Variants in BDP1 observed in about 807,000 individuals in gnomAD.
BDP1 encodes transcription factor TFIIIB component B'' homolog.
In BDP1, 169 loss-of-function variants were observed where a neutral mutation model predicts 266.6. The ratio of observed to expected loss-of-function variants is 0.63; its 90% confidence interval spans 0.56 to 0.72. The LOEUF is 0.72. Ranked by LOEUF, BDP1 falls within the 30% of genes least tolerant of loss-of-function variation. The pLI, the probability that BDP1 is intolerant of heterozygous loss-of-function variation, is 0.00. For missense variants in BDP1, 3,015 were observed against 3,053.8 expected (o/e 0.99, Z 0.30); for synonymous variants, 1,090 against 1,022.4 (o/e 1.07, Z -1.26).
At chr5:71,464,902 A>G (rs1171026500) in intron 4 of BDP1, among the ~76,000 whole-genome samples, 1 of 151,764 alleles carries the variant, frequency 6.6e-6, no homozygotes. Context: ...TATTTTTAGT[A>G]GAGACGGGGT....
intron 19 of BDP1, among the ~76,000 whole-genome samples, chr5:71,514,029 G>A (rs887748203): frequency 3.3e-5 from 5 of 151,914 alleles, no homozygotes; most frequent in Non-Finnish European, 5.9e-5. Flanking sequence ...GAGAATAATC[G>A]TTTTTTATTT....
chr5:71,511,520 G>T (rs1764918859), intron 17 of BDP1, among the ~76,000 whole-genome samples: 1 of 152,036 alleles, frequency 6.6e-6, no homozygotes, highest in South Asian at 2.1e-4. Context: ...CAAGGTGTAA[G>T]CCTGTAGTCC....
chr5:71,522,207 C>T, intron 22 of BDP1, 82 bp from the exon 23 acceptor site: 4 of 1,060,916 alleles, frequency 3.8e-6, no homozygotes, highest in Non-Finnish European at 5.6e-6. Context: ...GATTTGTATC[C>T]AAAATTGTTT....
intron 26 of BDP1, among the ~76,000 whole-genome samples, chr5:71,535,161 A>G (rs545452527): frequency 6.6e-6 from 1 of 151,988 alleles, no homozygotes; most frequent in African/African-American, 2.4e-5. Context: ...TCCTCGACTT[A>G]TGAGGAGATT....
intron 28 of BDP1, 73 bp from the exon 29 acceptor site, chr5:71,541,381 A>G (rs1159310562): frequency 4.8e-6 from 3 of 621,286 alleles, no homozygotes; most frequent in East Asian, 5.8e-5. Flanking sequence ...TACAATTACT[A>G]AATGTTGAGG....
At chr5:71,537,149 C>CAAAAA (rs70992979) in intron 26 of BDP1, among the ~76,000 whole-genome samples, 12 of 82,414 alleles carry the variant, frequency 1.5e-4, no homozygotes, top group African/African-American at 2.9e-4. Context: ...ACCAAAAAAC[C>CAAAAA]AAAAAAAAAA....
chr5:71,540,953 A>C (rs773394589), intron 28 of BDP1, among the ~76,000 whole-genome samples: 1 of 152,094 alleles, frequency 6.6e-6, no homozygotes, highest in Non-Finnish European at 1.5e-5. Context: ...TAGATAAATA[A>C]AGACATATTA....
chr5:71,463,306 CATT>C (rs747290562), intron 3 of BDP1, among the ~76,000 whole-genome samples: 24 of 152,226 alleles, frequency 1.6e-4, no homozygotes, highest in East Asian at 7.7e-4. Flanking sequence ...TAATAAATCT[CATT>C]GTTGTATTGT....
At position 71,461,809 on chromosome 5, in the gene BDP1, G is replaced by A. The variant is rs756435389; in HGVS notation, c.490-8G>A. ...TATAAAAGTGGATCTGTGTGTTTAT[G>A]TATACAGAAACAATGGAAAAACAAA... On this transcript the variant is annotated splice_polypyrimidine_tract_variant and splice_region_variant and intron_variant, in intron 2 of 38. Transcript: ENST00000358731. 1 of 1,490,310 alleles carries A rather than the reference G, an allele frequency of 6.7e-7. No individual in the cohort carries two copies. Among genetic ancestry groups the A allele is most frequent in the Non-Finnish European group, 9.3e-7 (1 of 1,077,952 alleles). 92.3% of individuals were successfully genotyped at this position (1,490,310 alleles called of 1,614,324 possible).
intron 25 of BDP1, among the ~76,000 whole-genome samples, chr5:71,526,376 GGAGGCC>G (rs1170395069): frequency 6.6e-6 from 1 of 151,760 alleles, no homozygotes; most frequent in Non-Finnish European, 1.5e-5. Flanking sequence ...CAGCACTTTG[GGAGGCC>G]GAGGTGGGTG....
At chr5:71,533,887 T>C (rs1329054400) in intron 26 of BDP1, among the ~76,000 whole-genome samples, 3 of 152,216 alleles carry the variant, frequency 2.0e-5, no homozygotes, top group Non-Finnish European at 4.4e-5. Flanking sequence ...CATTTGTATA[T>C]CATCTTTGAG....
intron 6 of BDP1, among the ~76,000 whole-genome samples, chr5:71,469,886 G>C (rs1457895438): frequency 6.9e-6 from 1 of 143,936 alleles, no homozygotes; most frequent in African/African-American, 2.6e-5. Flanking sequence ...TTGTTGCCCA[G>C]GTTGGAGTGC....
chr5:71,487,223 C>G (rs957388930), intron 9 of BDP1, among the ~76,000 whole-genome samples: 4 of 151,990 alleles, frequency 2.6e-5, no homozygotes, highest in African/African-American at 7.2e-5. Context: ...ATTTTAGCCC[C>G]CTTTGTGTTG....
chr5:71,540,491 C>T (rs1293743997), intron 28 of BDP1, among the ~76,000 whole-genome samples: 1 of 152,106 alleles, frequency 6.6e-6, no homozygotes, highest in Non-Finnish European at 1.5e-5. Flanking sequence ...CCATGCCCAG[C>T]TAATTTTTGT....
chr5:71,570,995 C>G (rs962803810), downstream of BDP1, among the ~76,000 whole-genome samples: 1 of 152,018 alleles, frequency 6.6e-6, no homozygotes, highest in Non-Finnish European at 1.5e-5. Context: ...ATAAAAATAA[C>G]AATACAACTA....
rs751575682 is a variant in BDP1 at position 71,559,976 on chromosome 5, T to C, written c.7241-6T>C. On this transcript the variant is annotated splice_region_variant and splice_polypyrimidine_tract_variant and intron_variant, in intron 36 of 38. Transcript: ENST00000358731. ...CCTTGCTTTCCATTTGCTCTTTTTT[T>C]TGAAGGGGAGTCTCACAAGGGACAA... 1 of 1,611,570 alleles carries C rather than the reference T, an allele frequency of 6.2e-7. No homozygotes were observed. The highest frequency in any genetic ancestry group is 1.1e-5 in the South Asian group (1 of 90,664).
intron 21 of BDP1, 98 bp downstream of exon 21, chr5:71,516,369 T>C: frequency 1.1e-6 from 1 of 870,600 alleles, no homozygotes; most frequent in South Asian, 1.8e-5. Flanking sequence ...ATCTGACACT[T>C]ATTCTACTCA....
intron 16 of BDP1, among the ~76,000 whole-genome samples, chr5:71,508,145 A>G (rs1415050386): frequency 1.3e-5 from 2 of 152,082 alleles, no homozygotes; most frequent in East Asian, 3.9e-4. Flanking sequence ...TTGTATTTTG[A>G]GTAGAGACAG....
chr5:71,489,378 T>G, intron 9 of BDP1, 26 bp from the exon 10 acceptor site: 1 of 1,548,640 alleles, frequency 6.5e-7, no homozygotes, highest in East Asian at 2.3e-5. Context: ...TGTTTAAATA[T>G]TTATAGTAAT....
Sources: allele counts gnomAD v4.1 joint callset (sites outside exome capture counted in the v4.1 genomes callset), GRCh38; gene constraint gnomAD v4.1.1; transcripts MANE v1.5; gene names NCBI Gene and HGNC (gene_info 2026-07-23, HGNC 2026-07-21).